NKAIN3: variants seen among roughly 807,000 people sequenced by gnomAD.
The protein encoded by NKAIN3 is sodium/potassium transporting ATPase interacting 3.
NKAIN3 carries 25 observed loss-of-function variants against 30.2 expected under a neutral mutation model. The ratio of observed to expected loss-of-function variants is 0.83; its 90% confidence interval spans 0.60 to 1.16. NKAIN3 has a LOEUF of 1.16. Among genes scored for constraint, NKAIN3 ranks in the 50% most tolerant of loss-of-function variants. NKAIN3 has a pLI of 0.00. For missense variants in NKAIN3, 225 were observed against 254.1 expected, an observed-to-expected ratio of 0.89 and a Z score of 0.78; for synonymous variants, 91 against 89.6, an observed-to-expected ratio of 1.02 and a Z score of -0.09.
intron 4 of NKAIN3, among the ~76,000 whole-genome samples, chr8:62,908,872 T>G (rs150884564): frequency 5.0e-4 from 76 of 152,296 alleles, no homozygotes; most frequent in Middle Eastern, 3.4e-3. Flanking sequence ...CTTTTAAGCT[T>G]TAAGGCTTCA....
intron 1 of NKAIN3, among the ~76,000 whole-genome samples, chr8:62,366,308 C>G (rs896550838): frequency 2.0e-5 from 3 of 151,484 alleles, no homozygotes; most frequent in Non-Finnish European, 4.4e-5. Flanking sequence ...CTCACCACAA[C>G]CTCTGCCTCC....
intron 3 of NKAIN3, among the ~76,000 whole-genome samples, chr8:62,667,556 C>T (rs1013448188): frequency 2.0e-5 from 3 of 151,758 alleles, no homozygotes; most frequent in African/African-American, 7.3e-5. Context: ...CAAGACAACT[C>T]TACCTTCCAA....
At chr8:62,413,901 T>C (rs1421220055) in intron 1 of NKAIN3, among the ~76,000 whole-genome samples, 1 of 152,162 alleles carries the variant, frequency 6.6e-6, no homozygotes, top group East Asian at 1.9e-4. Flanking sequence ...GAAAGCCTTA[T>C]GTGATTTTGT....
At chr8:62,493,710 G>C (rs1807146802) in intron 1 of NKAIN3, among the ~76,000 whole-genome samples, 1 of 152,020 alleles carries the variant, frequency 6.6e-6, no homozygotes, top group African/African-American at 2.4e-5. Flanking sequence ...TCTTTGATCA[G>C]TGTTTTGTAA....
chr8:62,880,336 A>C, intron 4 of NKAIN3, among the ~76,000 whole-genome samples: 1 of 152,170 alleles, frequency 6.6e-6, no homozygotes, highest in East Asian at 1.9e-4. Flanking sequence ...GGTGTTTGAT[A>C]TCATCCAATG....
At chr8:62,798,696 C>T (rs1481025723) in intron 4 of NKAIN3, among the ~76,000 whole-genome samples, 1 of 152,162 alleles carries the variant, frequency 6.6e-6, no homozygotes, top group Non-Finnish European at 1.5e-5. Context: ...TGATCTCAGA[C>T]TTCTGGCTTG....
intron 1 of NKAIN3, among the ~76,000 whole-genome samples, chr8:62,386,920 A>AT (rs1817441911): frequency 6.8e-6 from 1 of 147,884 alleles, no homozygotes; most frequent in South Asian, 2.1e-4. Flanking sequence ...TATATGAGAG[A>AT]GAGAGAGAGA....
intron 3 of NKAIN3, among the ~76,000 whole-genome samples, chr8:62,741,362 A>AGAAGGAAGGAAG (rs200947376): frequency 1.2e-3 from 165 of 138,006 alleles, no homozygotes; most frequent in African/African-American, 3.2e-3. Context: ...AGAGAGAGAA[A>AGAAGGAAGGAAG]GAAGGAAGGA....
intron 1 of NKAIN3, among the ~76,000 whole-genome samples, chr8:62,257,909 T>C (rs549099010): frequency 8.5e-5 from 13 of 152,312 alleles, no homozygotes; most frequent in African/African-American, 2.6e-4. Context: ...GATTTTTGTT[T>C]TGCCTAGTCC....
chr8:62,324,760 G>A (rs1414971853), intron 1 of NKAIN3, among the ~76,000 whole-genome samples: 1 of 152,104 alleles, frequency 6.6e-6, no homozygotes, highest in Non-Finnish European at 1.5e-5. Context: ...GATCTTTGAA[G>A]AATAAGTAGT....
At chr8:62,325,858 T>A (rs893231499) in intron 1 of NKAIN3, among the ~76,000 whole-genome samples, 1 of 152,070 alleles carries the variant, frequency 6.6e-6, no homozygotes, top group Non-Finnish European at 1.5e-5. Flanking sequence ...TTTGTCTGTA[T>A]TTTGAAGGGA....
chr8:62,506,476 C>CTTTTTTTTTTTTTTTTTTTT (rs71255341), intron 1 of NKAIN3, among the ~76,000 whole-genome samples: 7 of 98,438 alleles, frequency 7.1e-5, no homozygotes, highest in East Asian at 6.0e-4. Flanking sequence ...TTCTTTCTTT[C>CTTTTTTTTTTTTTTTTTTTT]TTTTTTTTTT....
intron 1 of NKAIN3, among the ~76,000 whole-genome samples, chr8:62,340,582 T>G (rs1815709512): frequency 6.6e-6 from 1 of 151,986 alleles, no homozygotes; most frequent in Non-Finnish European, 1.5e-5. Flanking sequence ...AGCACTGTAC[T>G]TTGGAGTATG....
chr8:62,271,404 T>C (rs1397010386), intron 1 of NKAIN3, among the ~76,000 whole-genome samples: 3 of 152,270 alleles, frequency 2.0e-5, no homozygotes, highest in Admixed American at 6.5e-5. Flanking sequence ...TGAGAACTGT[T>C]TGGTGTTTTG....
chr8:62,811,359 G>A (rs190911999), intron 4 of NKAIN3, among the ~76,000 whole-genome samples: 54 of 152,138 alleles, frequency 3.5e-4, no homozygotes, highest in Middle Eastern at 3.4e-3. Context: ...GTGAAAAAAA[G>A]TTTTCATTTC....
At chr8:62,294,546 C>T (rs776890545) in intron 1 of NKAIN3, among the ~76,000 whole-genome samples, 3 of 152,086 alleles carry the variant, frequency 2.0e-5, no homozygotes, top group Non-Finnish European at 2.9e-5. Context: ...TCTTTTTACT[C>T]TTAAATACTC....
chr8:62,557,603 G>A (rs1221001598), intron 1 of NKAIN3, among the ~76,000 whole-genome samples: 1 of 152,046 alleles, frequency 6.6e-6, no homozygotes, highest in Non-Finnish European at 1.5e-5. Flanking sequence ...GGCCATTCTA[G>A]CAGGAGTAAG....
At chr8:62,501,371 A>G (rs1269901470) in intron 1 of NKAIN3, among the ~76,000 whole-genome samples, 2 of 152,130 alleles carry the variant, frequency 1.3e-5, no homozygotes, top group African/African-American at 4.8e-5. Flanking sequence ...AGAATAATCT[A>G]GGATGTAACA....
chr8:62,576,807 T>C (rs148742426), intron 1 of NKAIN3, among the ~76,000 whole-genome samples: 2 of 152,106 alleles, frequency 1.3e-5, no homozygotes, highest in Admixed American at 6.6e-5. Flanking sequence ...TTAACAGAGA[T>C]ATTTCTAAAG....
Sources: gnomAD v4.1 joint callset for allele counts (sites outside exome capture counted in the v4.1 genomes callset) on GRCh38, gnomAD v4.1.1 for gene constraint, MANE v1.5 for transcripts, NCBI Gene and HGNC (gene_info 2026-07-23, HGNC 2026-07-21) for gene names.